The following UBE2Q2 variants were observed in gnomAD, a reference collection of about 807,000 sequenced individuals.
The protein encoded by UBE2Q2 is ubiquitin conjugating enzyme E2 Q2, also known as ubiquitin-conjugating enzyme E2 Q2.
In UBE2Q2, 54 loss-of-function variants were observed where a neutral mutation model predicts 59.9. The ratio of observed to expected loss-of-function variants is 0.90; its 90% CI spans 0.72 to 1.13. The LOEUF (loss-of-function observed/expected upper bound fraction) is 1.13. Among genes scored for constraint, UBE2Q2 ranks in the 50% most tolerant of loss-of-function variants. The pLI, the probability that UBE2Q2 is intolerant of heterozygous loss-of-function variation, is 0.00. For missense variants in UBE2Q2, 433 were observed against 441.9 expected (o/e 0.98, Z 0.18); for synonymous variants, 165 against 155.2 (o/e 1.06, Z -0.47).
rs944219640 is a variant in UBE2Q2, at chr15:75,879,118, T to A, written c.755T>A (p.Leu252Ter). The stretch of plus-strand genomic sequence containing the variant: ...CTTAGGGTTGACCCTGATAGTCCTT[T>A]GCACAGTGATCTTCAGATCTTAAAA... ...KLQKVDPDSPLHSDLQILKEK... is the reference protein window; with the variant it reads ...KLQKVDPDSP Residue 252 changes from leucine (L) to a stop codon, truncating the protein, a stop_gained, in exon 8 of 13, where the codon TTG (leucine) becomes TAG (stop). Transcript: ENST00000267938. LOFTEE classifies it high-confidence loss of function. The A allele has an allele frequency of 6.3e-7, 1 of 1,595,226 alleles. No individual in the cohort carries two copies. The highest frequency in any genetic ancestry group is 8.5e-7 in the Non-Finnish European group (1 of 1,172,154).
chr15:75,869,602 A>G (rs1265361018), intron 4 of UBE2Q2, among the ~76,000 whole-genome samples: 3 of 152,222 alleles, frequency 2.0e-5, no homozygotes, highest in Admixed American at 6.5e-5. Flanking sequence ...GGTAGAAGGC[A>G]GAAGGGCAGG....
chr15:75,885,064 C>T (rs1898680106), intron 9 of UBE2Q2, among the ~76,000 whole-genome samples: 1 of 152,080 alleles, frequency 6.6e-6, no homozygotes. Context: ...CTGACACCTG[C>T]AACCTAATCT....
chr15:75,844,121 G>T (rs1049355033), intron 1 of UBE2Q2: 10 of 1,415,544 alleles, frequency 7.1e-6, no homozygotes, highest in African/African-American at 1.5e-5. Context: ...AGCCCCGAGG[G>T]GGGAGTCCGC....
rs567026942 is a variant in UBE2Q2, at chr15:75,881,474, C to A, written c.826-1892C>A. Among the ~76,000 whole-genome samples, 129 of 152,166 alleles carry A rather than the reference C, an allele frequency of 8.5e-4. 1 individual carries two copies. Among genetic ancestry groups the A allele is most frequent in the African/African-American group, 2.8e-3 (118 of 41,508 alleles). ...TGTTTCTGGACCATGGCTCCTGATACCACAAAGAAGGGCCTTTTCTGGGGT... is the reference window on the plus strand; with the variant it reads ...TGTTTCTGGACCATGGCTCCTGATAACACAAAGAAGGGCCTTTTCTGGGGT... On this transcript the variant is annotated intron_variant, in intron 8 of 12. Transcript: ENST00000267938.
At chr15:75,860,246 G>A (rs1347458014) in intron 3 of UBE2Q2, among the ~76,000 whole-genome samples, 1 of 152,092 alleles carries the variant, frequency 6.6e-6, no homozygotes, top group African/African-American at 2.4e-5. Flanking sequence ...TTCCGTAAAT[G>A]CTCTTGCTTC....
chr15:75,844,204 CG>C, intron 1 of UBE2Q2: 3 of 1,460,030 alleles, frequency 2.1e-6, no homozygotes, highest in East Asian at 5.0e-5. Flanking sequence ...CGGGGCGGGG[CG>C]GGGCGGCGCA....
intron 3 of UBE2Q2, among the ~76,000 whole-genome samples, chr15:75,867,677 G>A (rs1897574534): frequency 6.6e-6 from 1 of 152,104 alleles, no homozygotes; most frequent in Non-Finnish European, 1.5e-5. Context: ...TTTAAAATGA[G>A]GGATAGTAAC....
intron 3 of UBE2Q2, among the ~76,000 whole-genome samples, chr15:75,862,128 T>C (rs1352423326): frequency 6.6e-6 from 1 of 152,092 alleles, no homozygotes; most frequent in Non-Finnish European, 1.5e-5. Context: ...CCAATATAAT[T>C]TCTACCAAAT....
At chr15:75,884,043 A>G (rs1898613564) in intron 9 of UBE2Q2, among the ~76,000 whole-genome samples, 1 of 152,056 alleles carries the variant, frequency 6.6e-6, no homozygotes, top group Non-Finnish European at 1.5e-5. Flanking sequence ...CTGGCTAATT[A>G]CTCCTAGAGG....
intron 3 of UBE2Q2, among the ~76,000 whole-genome samples, chr15:75,864,135 C>G (rs937171281): frequency 1.3e-5 from 2 of 152,118 alleles, no homozygotes; most frequent in African/African-American, 4.8e-5. Context: ...TATGGTAATA[C>G]TTTATTTTTG....
chr15:75,846,601 A>G (rs1410650768), intron 1 of UBE2Q2, among the ~76,000 whole-genome samples: 1 of 152,228 alleles, frequency 6.6e-6, no homozygotes, highest in Non-Finnish European at 1.5e-5. Context: ...TAGAAGGGAA[A>G]GATCAAGGGA....
At chr15:75,896,117 G>A (rs1389237154) in intron 11 of UBE2Q2, among the ~76,000 whole-genome samples, 2 of 152,204 alleles carry the variant, frequency 1.3e-5, no homozygotes, top group Non-Finnish European at 2.9e-5. Context: ...GCAACTGTTA[G>A]TGAAGGAAAG....
intron 8 of UBE2Q2, 41 bp from the exon 9 acceptor site, chr15:75,883,325 A>C: frequency 6.6e-7 from 1 of 1,525,178 alleles, no homozygotes; most frequent in South Asian, 1.1e-5. Flanking sequence ...AACACTAAGG[A>C]TGTTCTTTAA....
At chr15:75,864,734 T>A (rs1160090419) in intron 3 of UBE2Q2, among the ~76,000 whole-genome samples, 1 of 152,184 alleles carries the variant, frequency 6.6e-6, no homozygotes, top group East Asian at 1.9e-4. Context: ...GAGGCTTGGC[T>A]GTTTTATTAG....
chr15:75,886,309 A>G (rs1019662166), intron 9 of UBE2Q2, among the ~76,000 whole-genome samples: 3 of 151,894 alleles, frequency 2.0e-5, no homozygotes, highest in African/African-American at 7.3e-5. Context: ...TAGTAGAGAC[A>G]GGGTTTCACC....
At chr15:75,883,288 T>G in intron 8 of UBE2Q2, 78 bp from the exon 9 acceptor site, 1 of 1,322,706 alleles carries the variant, frequency 7.6e-7, no homozygotes, top group Non-Finnish European at 1.1e-6. Context: ...TTCTTTATAG[T>G]ATCTTTTAAA....
At chr15:75,869,469 A>G (rs985326272) in intron 4 of UBE2Q2, among the ~76,000 whole-genome samples, 1 of 152,256 alleles carries the variant, frequency 6.6e-6, no homozygotes, top group African/African-American at 2.4e-5. Context: ...TTAACAGAAT[A>G]CTGGAGACTG....
chr15:75,844,459 AG>A (rs774398179), intron 1 of UBE2Q2: 1 of 1,551,456 alleles, frequency 6.4e-7, no homozygotes, highest in Non-Finnish European at 8.7e-7. Context: ...TGTTCTGGAA[AG>A]GAGCATAGTA....
At chr15:75,893,676 C>G (rs1053109126) in intron 11 of UBE2Q2, among the ~76,000 whole-genome samples, 8 of 152,114 alleles carry the variant, frequency 5.3e-5, no homozygotes, top group Non-Finnish European at 1.0e-4. Flanking sequence ...AATTATAGAT[C>G]CATAAAATCA....
Sources: gnomAD v4.1 joint callset for allele counts (sites outside exome capture counted in the v4.1 genomes callset) on GRCh38, gnomAD v4.1.1 for gene constraint, MANE v1.5 for transcripts, NCBI Gene and HGNC (gene_info 2026-07-23, HGNC 2026-07-21) for gene names.